Variants in GRIK2 observed in about 807,000 individuals in gnomAD.
The protein encoded by GRIK2 is glutamate ionotropic receptor kainate type subunit 2.
A neutral mutation model predicts 100.3 loss-of-function variants in GRIK2; 32 were observed. The ratio of observed to expected loss-of-function variants is 0.32; its 90% confidence interval spans 0.24 to 0.43. GRIK2 has a LOEUF of 0.43. Among genes scored for constraint, GRIK2 ranks in the 20% least tolerant of loss-of-function variants. The pLI, the probability that GRIK2 is intolerant of heterozygous loss-of-function variation, is 1.00. For synonymous variants in GRIK2, 417 were observed against 389.4 expected, an observed-to-expected ratio of 1.07 and a Z score of -0.83; for missense variants, 843 against 1,114.9, an observed-to-expected ratio of 0.76 and a Z score of 3.47.
Position 101,794,021 on chromosome 6 carries a change from A to G in GRIK2, c.952-5627A>G, listed in dbSNP as rs1040594144. Among the ~76,000 whole-genome samples the G allele has an allele frequency of 3.9e-5, 6 of 152,310 alleles. No individual in the cohort carries two copies. The East Asian group carries it at 1.2e-3, about 29-fold the overall frequency. On this transcript the variant is annotated intron_variant, in intron 7 of 16. Transcript: ENST00000369134. Reference sequence around the variant, plus strand: ...GCGTAGGACCCTCCGAGCCAGGTGCAGGATATAATCTCCTGGTGCGCCATT... The same window carrying G: ...GCGTAGGACCCTCCGAGCCAGGTGCGGGATATAATCTCCTGGTGCGCCATT...
chr6:101,494,876 G>A (rs1321089596), intron 2 of GRIK2, among the ~76,000 whole-genome samples: 2 of 150,900 alleles, frequency 1.3e-5, no homozygotes, highest in Non-Finnish European at 2.9e-5. Flanking sequence ...GGAGGTTGTA[G>A]TGAGCTGAGA....
At chr6:101,847,614 G>A (rs1783886138) in intron 10 of GRIK2, among the ~76,000 whole-genome samples, 1 of 152,080 alleles carries the variant, frequency 6.6e-6, no homozygotes, top group Non-Finnish European at 1.5e-5. Flanking sequence ...CGTCTTTGTA[G>A]TTTGGTTGTA....
At chr6:101,974,158 T>G (rs1793228079) in intron 14 of GRIK2, among the ~76,000 whole-genome samples, 1 of 151,910 alleles carries the variant, frequency 6.6e-6, no homozygotes, top group African/African-American at 2.4e-5. Flanking sequence ...TGTAAATAAT[T>G]GTGAATAAAA....
chr6:101,594,828 G>A (rs779566161), intron 2 of GRIK2, among the ~76,000 whole-genome samples: 3 of 151,856 alleles, frequency 2.0e-5, no homozygotes, highest in Non-Finnish European at 4.4e-5. Flanking sequence ...AAGGCAGATA[G>A]GGCGGTGAAT....
chr6:101,600,727 T>C (rs1164142050), intron 2 of GRIK2, among the ~76,000 whole-genome samples: 1 of 151,810 alleles, frequency 6.6e-6, no homozygotes, highest in Non-Finnish European at 1.5e-5. Flanking sequence ...ATTATTGGTG[T>C]GTAAAATGTT....
At chr6:101,474,915 A>C (rs535031165) in intron 2 of GRIK2, among the ~76,000 whole-genome samples, 1 of 152,080 alleles carries the variant, frequency 6.6e-6, no homozygotes, top group East Asian at 1.9e-4. Context: ...TTTAAAATGT[A>C]AATCTTTACA....
intron 11 of GRIK2, among the ~76,000 whole-genome samples, chr6:101,877,149 A>G (rs1297914850): frequency 6.6e-6 from 1 of 151,766 alleles, no homozygotes; most frequent in Non-Finnish European, 1.5e-5. Context: ...ACACACACAC[A>G]TATATATATG....
At chr6:102,023,502 T>C (rs1769537924) in intron 14 of GRIK2, among the ~76,000 whole-genome samples, 1 of 151,474 alleles carries the variant, frequency 6.6e-6, no homozygotes, top group South Asian at 2.1e-4. Flanking sequence ...TAAGAAGGTT[T>C]TGGATTGATT....
At chr6:102,058,811 A>G (rs1405666681) in intron 16 of GRIK2, among the ~76,000 whole-genome samples, 2 of 151,496 alleles carry the variant, frequency 1.3e-5, no homozygotes, top group African/African-American at 4.8e-5. Context: ...TCTACAATGA[A>G]TTGTGTTTTG....
At chr6:101,637,751 T>C (rs1229462338) in intron 4 of GRIK2, among the ~76,000 whole-genome samples, 1 of 152,166 alleles carries the variant, frequency 6.6e-6, no homozygotes, top group African/African-American at 2.4e-5. Context: ...GACACTCTCA[T>C]GCCTCTCTGA....
intron 2 of GRIK2, among the ~76,000 whole-genome samples, chr6:101,425,911 A>G (rs952227144): frequency 6.6e-6 from 1 of 152,174 alleles, no homozygotes; most frequent in Non-Finnish European, 1.5e-5. Flanking sequence ...AAGTCTCACT[A>G]GCACTGAGGC....
intron 2 of GRIK2, 151 bp from the exon 3 acceptor site, chr6:101,621,798 C>A: frequency 5.0e-6 from 2 of 397,454 alleles, no homozygotes; most frequent in East Asian, 4.5e-5. Flanking sequence ...AAATCTCTCC[C>A]TCTCTCTCTC....
At chr6:101,798,176 C>G (rs745651212) in intron 7 of GRIK2, among the ~76,000 whole-genome samples, 72 of 151,690 alleles carry the variant, frequency 4.7e-4, no homozygotes, top group Non-Finnish European at 2.9e-5. Flanking sequence ...GGCTCTCTTA[C>G]GTTTTGTGCT....
At chr6:101,731,162 T>C (rs2128371192) in intron 7 of GRIK2, among the ~76,000 whole-genome samples, 1 of 152,130 alleles carries the variant, frequency 6.6e-6, no homozygotes, top group Non-Finnish European at 1.5e-5. Context: ...GGAATACATT[T>C]AAACTGAAAG....
At chr6:101,401,831 G>A (rs147770521) in intron 2 of GRIK2, among the ~76,000 whole-genome samples, 248 of 152,302 alleles carry the variant, frequency 1.6e-3, no homozygotes, top group African/African-American at 5.4e-3. Flanking sequence ...GAAGGGAAGA[G>A]CTTGGAGTTG....
intron 4 of GRIK2, among the ~76,000 whole-genome samples, chr6:101,654,862 A>G (rs969680723): frequency 4.6e-5 from 7 of 152,020 alleles, no homozygotes; most frequent in Non-Finnish European, 1.0e-4. Flanking sequence ...CCCACTCTTC[A>G]TCTTGCATGT....
chr6:101,744,092 G>A (rs9485538), intron 7 of GRIK2, among the ~76,000 whole-genome samples: 22,471 of 151,734 alleles, frequency 0.15, 1,934 homozygotes, highest in South Asian at 0.22. Context: ...ATAGGCGCCC[G>A]CCACCACGCC....
At chr6:101,623,310 G>A (rs187726911) in intron 3 of GRIK2, among the ~76,000 whole-genome samples, 180 of 152,116 alleles carry the variant, frequency 1.2e-3, no homozygotes, top group African/African-American at 4.3e-3. Context: ...ATATCTTTAT[G>A]AATACAAATA....
chr6:101,580,503 C>T (rs1206505862), intron 2 of GRIK2, among the ~76,000 whole-genome samples: 1 of 152,128 alleles, frequency 6.6e-6, no homozygotes, highest in Non-Finnish European at 1.5e-5. Flanking sequence ...TTTCACATCT[C>T]CATTATTACA....
Sources: allele counts gnomAD v4.1 joint callset (sites outside exome capture counted in the v4.1 genomes callset), GRCh38; gene constraint gnomAD v4.1.1; transcripts MANE v1.5; gene names NCBI Gene and HGNC (gene_info 2026-07-23, HGNC 2026-07-21).